The following UNC5D variants were observed in gnomAD, a reference collection of about 807,000 sequenced individuals.
UNC5D encodes the protein netrin receptor UNC5D.
UNC5D carries 39 observed loss-of-function variants against 105.4 expected under a neutral mutation model. That is an observed-to-expected ratio of 0.37 (90% CI 0.29 to 0.48). The LOEUF (loss-of-function observed/expected upper bound fraction) is 0.48, where lower values mean the gene tolerates loss of function less well. UNC5D is among the 20% of genes least tolerant of loss of function. UNC5D has a pLI of 0.98. For synonymous variants in UNC5D, 452 were observed against 450.4 expected (o/e 1.00, Z -0.04); for missense variants, 991 against 1,202.4 (o/e 0.82, Z 2.60).
chr8:35,459,279 G>A (rs1189992890), intron 1 of UNC5D, among the ~76,000 whole-genome samples: 2 of 152,178 alleles, frequency 1.3e-5, no homozygotes. Flanking sequence ...GGCTTGGTCA[G>A]TTAGGTGAGG....
intron 1 of UNC5D, among the ~76,000 whole-genome samples, chr8:35,457,165 C>T (rs1808553815): frequency 1.3e-5 from 2 of 152,152 alleles, no homozygotes; most frequent in Admixed American, 1.3e-4. Flanking sequence ...ATATAATAGA[C>T]ACTTAATTCT....
At chr8:35,522,470 T>C (rs1344709043) in intron 1 of UNC5D, among the ~76,000 whole-genome samples, 3 of 151,588 alleles carry the variant, frequency 2.0e-5, no homozygotes, top group Admixed American at 6.6e-5. Flanking sequence ...TTTCAATCAA[T>C]TGCTGAAATG....
chr8:35,740,468 A>G (rs1829703806), intron 11 of UNC5D, among the ~76,000 whole-genome samples: 1 of 152,164 alleles, frequency 6.6e-6, no homozygotes, highest in Non-Finnish European at 1.5e-5. Flanking sequence ...CAGCCTTCAT[A>G]TTAGCTCAGT....
intron 1 of UNC5D, among the ~76,000 whole-genome samples, chr8:35,324,630 G>A (rs543949223): frequency 6.6e-6 from 1 of 152,214 alleles, no homozygotes; most frequent in African/African-American, 2.4e-5. Context: ...TGCGGTTCCT[G>A]AATAAAAGAC....
chr8:35,544,425 T>C, intron 1 of UNC5D: 1 of 1,606,920 alleles, frequency 6.2e-7, no homozygotes, highest in Non-Finnish European at 8.5e-7. Context: ...AAAAAAAAGC[T>C]GTAATATGTT....
chr8:35,609,700 A>T lies in UNC5D; in HGVS notation c.570+14043A>T, dbSNP rs1181819350. The stretch of plus-strand genomic sequence containing the variant: ...GAAACTGGTCAGTCATGTAATCATT[A>T]CTGTGAAATGCTAACAGTCAAAGTC... On this transcript the variant is annotated intron_variant, in intron 4 of 16. Coordinates refer to ENST00000404895, the MANE Select transcript of UNC5D (RefSeq NM_080872.4). Among the ~76,000 whole-genome samples, 6 of 152,216 alleles carry T rather than the reference A, an allele frequency of 3.9e-5. No individual in the cohort carries two copies. The East Asian group carries it at 1.2e-3, about 29-fold the overall frequency.
intron 2 of UNC5D, among the ~76,000 whole-genome samples, chr8:35,566,842 A>C (rs949921899): frequency 6.6e-6 from 1 of 152,144 alleles, no homozygotes; most frequent in Admixed American, 6.5e-5. Flanking sequence ...ACAACCTCAG[A>C]GAATGTGTGC....
intron 1 of UNC5D, among the ~76,000 whole-genome samples, chr8:35,430,049 T>C (rs1806520356): frequency 6.6e-6 from 1 of 152,148 alleles, no homozygotes; most frequent in Non-Finnish European, 1.5e-5. Flanking sequence ...ATGTCTTTTG[T>C]GTGCTAACAA....
intron 1 of UNC5D, among the ~76,000 whole-genome samples, chr8:35,541,808 A>C (rs1037430355): frequency 1.6e-4 from 24 of 152,198 alleles, no homozygotes; most frequent in African/African-American, 5.8e-4. Flanking sequence ...CCTAGTACCT[A>C]GAACATTGTC....
chr8:35,693,664 G>A (rs1174975416), intron 7 of UNC5D, among the ~76,000 whole-genome samples: 1 of 152,070 alleles, frequency 6.6e-6, no homozygotes, highest in Non-Finnish European at 1.5e-5. Flanking sequence ...CAGAAATGAA[G>A]GCAGTTATTC....
At chr8:35,388,225 A>G (rs926746291) in intron 1 of UNC5D, among the ~76,000 whole-genome samples, 2 of 152,026 alleles carry the variant, frequency 1.3e-5, no homozygotes, top group African/African-American at 4.8e-5. Flanking sequence ...TTAGCCAGGC[A>G]TGGTGGCAGG....
At chr8:35,276,743 A>G (rs1165933866) in intron 1 of UNC5D, among the ~76,000 whole-genome samples, 1 of 152,156 alleles carries the variant, frequency 6.6e-6, no homozygotes, top group Admixed American at 6.5e-5. Flanking sequence ...GTACTGACTG[A>G]GTGGTTAGGT....
At chr8:35,501,270 C>T (rs1811951111) in intron 1 of UNC5D, among the ~76,000 whole-genome samples, 1 of 152,246 alleles carries the variant, frequency 6.6e-6, no homozygotes, top group African/African-American at 2.4e-5. Context: ...CTTCCAGGTG[C>T]TGCCTGACCA....
Position 35,587,965 on chromosome 8 carries a change from A to AATATATATATAT in UNC5D, c.467-7571_467-7560dup, listed in dbSNP as rs57681405. ...TTAGGGTTTTTCCTATAACTATAATAATATATATATATATATATATATATA... is the reference window on the plus strand; with the variant it reads ...TTAGGGTTTTTCCTATAACTATAATAATATATATATATATATATATATATATATATATATATA... On this transcript the variant is annotated intron_variant, in intron 3 of 16. Transcript: ENST00000404895. Among the ~76,000 whole-genome samples the AATATATATATAT allele has an allele frequency of 9.4e-3, 988 of 104,998 alleles. 31 individuals carry two copies. The highest frequency in any genetic ancestry group is 0.011 in the African/African-American group (326 of 30,172). The allele number at this position is 104,998 out of a possible 152,430, so 68.9% of individuals were successfully genotyped here.
intron 3 of UNC5D, among the ~76,000 whole-genome samples, chr8:35,593,758 C>T (rs1250892456): frequency 6.6e-6 from 1 of 152,070 alleles, no homozygotes; most frequent in Non-Finnish European, 1.5e-5. Context: ...AAGGCCTTAT[C>T]TCCAAAACAA....
intron 1 of UNC5D, among the ~76,000 whole-genome samples, chr8:35,390,970 C>T (rs903043465): frequency 6.6e-6 from 1 of 152,212 alleles, no homozygotes; most frequent in Non-Finnish European, 1.5e-5. Flanking sequence ...CTTTAAGGCA[C>T]ACTGGGAGCT....
chr8:35,474,647 T>C (rs1406127559), intron 1 of UNC5D, among the ~76,000 whole-genome samples: 1 of 152,190 alleles, frequency 6.6e-6, no homozygotes, highest in Non-Finnish European at 1.5e-5. Context: ...CCTGTGGCGA[T>C]TGGCACCATC....
At chr8:35,702,577 A>T (rs933315595) in intron 7 of UNC5D, among the ~76,000 whole-genome samples, 19 of 152,190 alleles carry the variant, frequency 1.2e-4, no homozygotes, top group African/African-American at 3.9e-4. Context: ...AGGATGTTCC[A>T]TGGCCGGGAG....
chr8:35,396,188 G>C (rs1804089263), intron 1 of UNC5D, among the ~76,000 whole-genome samples: 2 of 152,058 alleles, frequency 1.3e-5, no homozygotes, highest in South Asian at 4.2e-4. Flanking sequence ...TTTGATCATT[G>C]TGTCAGGGGT....
Sources: gnomAD v4.1 joint callset for allele counts (sites outside exome capture counted in the v4.1 genomes callset) on GRCh38, gnomAD v4.1.1 for gene constraint, MANE v1.5 for transcripts, NCBI Gene and HGNC (gene_info 2026-07-23, HGNC 2026-07-21) for gene names.